Variants in SP140 observed in about 807,000 individuals in gnomAD.
The protein encoded by SP140 is SP140 nuclear body protein.
A neutral mutation model predicts 125.0 loss-of-function variants in SP140; 81 were observed. The ratio of observed to expected loss-of-function variants is 0.65; its 90% CI spans 0.54 to 0.78. SP140 has a LOEUF of 0.78. Ranked by LOEUF, SP140 falls within the 30% of genes least tolerant of loss-of-function variation. The pLI is 0.00. For missense variants in SP140, 858 were observed against 1,037.0 expected, an observed-to-expected ratio of 0.83 and a Z score of 2.37; for synonymous variants, 312 against 354.0, an observed-to-expected ratio of 0.88 and a Z score of 1.33.
At chr2:230,201,275 G>T (rs1317418869), upstream of SP140, among the ~76,000 whole-genome samples, 5 of 152,314 alleles carry the variant, frequency 3.3e-5, no homozygotes, top group African/African-American at 4.8e-5. Context: ...CCCCTAGGGG[G>T]TCTGTCAAAC....
chr2:230,303,843 G>C (rs1575340211), intron 22 of SP140, among the ~76,000 whole-genome samples: 2 of 152,246 alleles, frequency 1.3e-5, no homozygotes, highest in South Asian at 4.1e-4. Flanking sequence ...CTGAGACCTG[G>C]AACAAGACAA....
chr2:230,187,476 G>A, the SP140 span, among the ~76,000 whole-genome samples: 505 of 152,182 alleles, frequency 3.3e-3, 3 homozygotes, highest in African/African-American at 0.012. Context: ...CCTTTGCTAC[G>A]AAGAAGCGTT....
At chr2:230,242,253 GA>G (rs1475410095) in intron 4 of SP140, among the ~76,000 whole-genome samples, 2 of 110,924 alleles carry the variant, frequency 1.8e-5, no homozygotes, top group Admixed American at 8.0e-5. Flanking sequence ...AAAGAGTTAA[GA>G]AAAAAAGGGT....
At position 230,312,536 on chromosome 2, in the gene SP140, C is replaced by G. The variant is rs543738695; in HGVS notation, c.2506-50C>G. 4.0e-6 allele frequency: 5 copies of G among 1,259,838 alleles called. No individual in the cohort carries two copies. The African/African-American group carries it at 6.0e-5, about 15-fold the overall frequency. The allele number at this position is 1,259,838 out of a possible 1,614,324, so 78.0% of individuals were successfully genotyped here. ...GATCATTCTCAGTTGAAAGGTGTCT[C>G]ATGACGCTAATGATGAGGAGCATTG... is the stretch of plus-strand genomic sequence containing the variant. On this transcript the variant is annotated intron_variant, in intron 26 of 26. Coordinates refer to ENST00000392045, the MANE Select transcript of SP140 (RefSeq NM_007237.5).
chr2:230,219,873 C>T (rs199509303), intron 3 of SP140: 70 of 974,744 alleles, frequency 7.2e-5, no homozygotes, highest in Non-Finnish European at 8.5e-5. Flanking sequence ...CAGAAACTCA[C>T]CTGGACTTTG....
intron 15 of SP140, among the ~76,000 whole-genome samples, chr2:230,273,217 G>A (rs2054198391): frequency 6.6e-6 from 1 of 152,134 alleles, no homozygotes; most frequent in Non-Finnish European, 1.5e-5. Flanking sequence ...CTAACATCCA[G>A]CATCTGTAAG....
intron 3 of SP140, 111 bp downstream of exon 3, chr2:230,238,492 T>C: frequency 1.9e-6 from 2 of 1,065,654 alleles, no homozygotes; most frequent in South Asian, 1.5e-5. Flanking sequence ...GACTATTACA[T>C]GCCAAGCCCA....
chr2:230,313,975 G>A (rs570871698), downstream of SP140, among the ~76,000 whole-genome samples: 13 of 152,268 alleles, frequency 8.5e-5, no homozygotes, highest in South Asian at 4.1e-4. Context: ...AGATCTAGTC[G>A]TTACCAGCCT....
At chr2:230,297,369 A>G (rs2057839423) in intron 21 of SP140, 52 bp from the exon 22 acceptor site, 3 of 1,576,612 alleles carry the variant, frequency 1.9e-6, no homozygotes, top group African/African-American at 1.3e-5. Flanking sequence ...TAAGTGATAG[A>G]TGGAAACAAT....
intron 22 of SP140, among the ~76,000 whole-genome samples, chr2:230,303,660 A>G (rs535907481): frequency 6.6e-6 from 1 of 152,366 alleles, no homozygotes; most frequent in African/African-American, 2.4e-5. Flanking sequence ...CAAAAATTGT[A>G]TGATCATCTC....
At chr2:230,214,931 A>T in intron 3 of SP140, 1 of 1,610,658 alleles carries the variant, frequency 6.2e-7, no homozygotes, top group Non-Finnish European at 8.5e-7. Context: ...TGCAAAAAGC[A>T]CTTGAGAAAT....
the SP140 span, among the ~76,000 whole-genome samples, chr2:230,192,122 A>C: frequency 6.6e-6 from 1 of 152,198 alleles, no homozygotes; most frequent in Non-Finnish European, 1.5e-5. Flanking sequence ...CTAGGTATTG[A>C]TGGAACATAT....
In SP140 at chr2:230,253,685, GAGA is replaced by G. The variant is rs534391130; in HGVS notation, c.1159+274_1159+276del. Among the ~76,000 whole-genome samples the G allele has an allele frequency of 1.4e-4, 22 of 152,314 alleles. 1 individual carries two copies. Among genetic ancestry groups the G allele is most frequent in the East Asian group, 1.3e-3 (7 of 5,192 alleles). Reference sequence around the variant, plus strand: ...TGCCAGAGGTAGGCTGGGGGCACCAGAGAAGAAGTTCCTGGGTGATGTTATTAA... The same window carrying G: ...TGCCAGAGGTAGGCTGGGGGCACCAGAGAAGTTCCTGGGTGATGTTATTAA... On this transcript the variant is annotated intron_variant, in intron 11 of 26. Transcript: ENST00000392045.
intron 6 of SP140, 115 bp downstream of exon 6, chr2:230,245,195 G>A (rs2049253987): frequency 1.4e-6 from 1 of 692,138 alleles, no homozygotes; most frequent in Non-Finnish European, 2.4e-6. Context: ...TGTTCAGCCT[G>A]TGGTTGTTTT....
chr2:230,309,497 G>A (rs368237610), intron 22 of SP140, among the ~76,000 whole-genome samples: 29 of 152,322 alleles, frequency 1.9e-4, no homozygotes, highest in African/African-American at 6.7e-4. Context: ...ATGGGATGTG[G>A]TGATATCTCA....
At chr2:230,191,236 G>C in the SP140 span, among the ~76,000 whole-genome samples, 10 of 151,964 alleles carry the variant, frequency 6.6e-5, no homozygotes, top group South Asian at 2.1e-4. Context: ...AAGAGCTAGA[G>C]AGGCAAGAGC....
intron 15 of SP140, among the ~76,000 whole-genome samples, chr2:230,278,402 C>A (rs189921988): frequency 1.3e-5 from 2 of 152,050 alleles, no homozygotes; most frequent in East Asian, 3.9e-4. Flanking sequence ...TAGGTAGTAA[C>A]CCTTATCAAA....
At chr2:230,232,118 T>C (rs1328309149) in intron 1 of SP140, among the ~76,000 whole-genome samples, 3 of 152,216 alleles carry the variant, frequency 2.0e-5, no homozygotes, top group Admixed American at 2.0e-4. Context: ...CAGGCCCTTG[T>C]CATGGAGAAT....
chr2:230,274,910 C>T (rs1288296895), intron 15 of SP140, among the ~76,000 whole-genome samples: 1 of 151,954 alleles, frequency 6.6e-6, no homozygotes, highest in Admixed American at 6.6e-5. Context: ...CTTTTTAAAT[C>T]AATATAACAT....
Sources: gnomAD v4.1 joint callset for allele counts (sites outside exome capture counted in the v4.1 genomes callset) on GRCh38, gnomAD v4.1.1 for gene constraint, MANE v1.5 for transcripts, NCBI Gene and HGNC (gene_info 2026-07-23, HGNC 2026-07-21) for gene names.